The following MACROD2 variants were observed in gnomAD, a reference collection of about 807,000 sequenced individuals.
MACROD2 encodes mono-ADP ribosylhydrolase 2.
MACROD2 carries 36 observed loss-of-function variants against 70.4 expected under a neutral mutation model. The observed-to-expected ratio is 0.51, with a 90% CI of 0.39 to 0.68. The LOEUF (loss-of-function observed/expected upper bound fraction) is 0.68. Ranked by LOEUF, MACROD2 falls within the 30% of genes least tolerant of loss-of-function variation. The pLI, the probability that MACROD2 is intolerant of heterozygous loss-of-function variation, is 0.00. For synonymous variants in MACROD2, 172 were observed against 178.8 expected (o/e 0.96, Z 0.30); for missense variants, 496 against 538.4 (o/e 0.92, Z 0.78).
intron 2 of MACROD2, among the ~76,000 whole-genome samples, chr20:14,062,979 C>A (rs2148656685): frequency 6.6e-6 from 1 of 152,284 alleles, no homozygotes; most frequent in South Asian, 2.1e-4. Flanking sequence ...CTCAGCCCTA[C>A]TGGTGAAACT....
intron 3 of MACROD2, among the ~76,000 whole-genome samples, chr20:14,431,476 A>T (rs972956879): frequency 6.6e-6 from 1 of 152,200 alleles, no homozygotes; most frequent in African/African-American, 2.4e-5. Flanking sequence ...ATATTTCACA[A>T]AATTGTTTTA....
intron 5 of MACROD2, among the ~76,000 whole-genome samples, chr20:15,065,312 T>A (rs2075564693): frequency 6.6e-6 from 1 of 152,194 alleles, no homozygotes; most frequent in Non-Finnish European, 1.5e-5. Context: ...GTACCATTGC[T>A]TTTGTCTTCA....
At chr20:14,699,330 G>A (rs900338837) in intron 5 of MACROD2, among the ~76,000 whole-genome samples, 2 of 152,166 alleles carry the variant, frequency 1.3e-5, no homozygotes, top group African/African-American at 4.8e-5. Context: ...TTGCTTAAAT[G>A]TTGTAAATGT....
intron 3 of MACROD2, among the ~76,000 whole-genome samples, chr20:14,116,058 G>T (rs12625894): frequency 7.2e-5 from 11 of 151,894 alleles, no homozygotes; most frequent in African/African-American, 2.4e-4. Context: ...GGGGCTGATT[G>T]GTGAATCTTG....
intron 2 of MACROD2, among the ~76,000 whole-genome samples, chr20:14,057,500 C>A (rs553925382): frequency 6.6e-6 from 1 of 152,092 alleles, no homozygotes; most frequent in Non-Finnish European, 1.5e-5. Flanking sequence ...TAACACTCAG[C>A]AGAATGGCTA....
chr20:14,156,431 C>T (rs368130693), intron 3 of MACROD2, among the ~76,000 whole-genome samples: 1 of 152,162 alleles, frequency 6.6e-6, no homozygotes, highest in Admixed American at 6.5e-5. Context: ...TTCATTTCCT[C>T]CAGGCTAGTA....
chr20:15,087,765 G>A (rs2123153867), intron 5 of MACROD2, among the ~76,000 whole-genome samples: 1 of 152,058 alleles, frequency 6.6e-6, no homozygotes, highest in Admixed American at 6.6e-5. Context: ...ACAAATATGA[G>A]TGGGAAAAAT....
At chr20:14,183,426 A>G (rs887828849) in intron 3 of MACROD2, among the ~76,000 whole-genome samples, 2 of 152,018 alleles carry the variant, frequency 1.3e-5, no homozygotes, top group Admixed American at 6.6e-5. Flanking sequence ...TATCTAGTCT[A>G]TCACTGATGG....
intron 17 of MACROD2, 113 bp from the exon 18 acceptor site, chr20:16,049,717 G>A: frequency 1.0e-6 from 1 of 993,016 alleles, no homozygotes; most frequent in Non-Finnish European, 1.5e-6. Context: ...ATATTTCTGG[G>A]CCTATGTGAG....
chr20:15,512,380 T>A lies in MACROD2; in HGVS notation c.645+12533T>A, dbSNP rs140541550. On this transcript the variant is annotated intron_variant, in intron 8 of 17. Transcript: ENST00000684519. ...CCAATATCCTGTTGATAGTAATCATTGTCTCTGGATATTGCCTTTGATGCC... is the reference window on the plus strand; with the variant it reads ...CCAATATCCTGTTGATAGTAATCATAGTCTCTGGATATTGCCTTTGATGCC... Among the ~76,000 whole-genome samples the A allele has an allele frequency of 2.6e-5, 4 of 152,370 alleles. No homozygotes were observed. In the East Asian group the frequency reaches 7.7e-4, roughly 29 times the overall value.
intron 7 of MACROD2, among the ~76,000 whole-genome samples, chr20:15,443,912 C>T (rs753760972): frequency 9.2e-5 from 14 of 152,066 alleles, no homozygotes; most frequent in African/African-American, 1.7e-4. Flanking sequence ...GATTTTAAGA[C>T]GATAACAGGA....
chr20:15,198,377 G>A (rs6079702), intron 5 of MACROD2, among the ~76,000 whole-genome samples: 16,410 of 152,094 alleles, frequency 0.11, 1,106 homozygotes, highest in African/African-American at 0.19. Context: ...TTGCCAACGC[G>A]TCAGTTCTAA....
At chr20:14,702,588 T>TATAC (rs1555818339) in intron 5 of MACROD2, among the ~76,000 whole-genome samples, 8 of 5,214 alleles carry the variant, frequency 1.5e-3, no homozygotes, top group South Asian at 0.02. Context: ...TATATATATG[T>TATAC]ATATATATGT....
intron 3 of MACROD2, among the ~76,000 whole-genome samples, chr20:14,256,761 A>G (rs2082060098): frequency 6.6e-6 from 1 of 152,054 alleles, no homozygotes; most frequent in Admixed American, 6.6e-5. Flanking sequence ...CTTTTGGAAG[A>G]TCTGTTCAAT....
intron 7 of MACROD2, among the ~76,000 whole-genome samples, chr20:15,434,813 A>G (rs1322733512): frequency 6.6e-6 from 1 of 152,156 alleles, no homozygotes; most frequent in Non-Finnish European, 1.5e-5. Context: ...TGTGGTATGT[A>G]TATACCCCAT....
At chr20:14,626,103 C>T (rs951603485) in intron 4 of MACROD2, among the ~76,000 whole-genome samples, 3 of 152,122 alleles carry the variant, frequency 2.0e-5, no homozygotes, top group Non-Finnish European at 4.4e-5. Flanking sequence ...GGATTACAGG[C>T]GTGAGCCACT....
intron 8 of MACROD2, among the ~76,000 whole-genome samples, chr20:15,780,848 C>T (rs1180363479): frequency 6.6e-6 from 1 of 152,048 alleles, no homozygotes; most frequent in Non-Finnish European, 1.5e-5. Flanking sequence ...TGTGACATCT[C>T]ATGAATGCCC....
chr20:15,969,312 T>C (rs1256799759), intron 13 of MACROD2, among the ~76,000 whole-genome samples: 1 of 150,606 alleles, frequency 6.6e-6, no homozygotes, highest in Admixed American at 6.6e-5. Context: ...AGCACACACA[T>C]AAAAAATACC....
chr20:14,090,278 G>C (rs955419649), intron 3 of MACROD2, among the ~76,000 whole-genome samples: 6 of 152,116 alleles, frequency 3.9e-5, no homozygotes, highest in African/African-American at 1.4e-4. Flanking sequence ...TATCATAAAA[G>C]AACTCCCTCA....
Sources: gnomAD v4.1 joint callset for allele counts (sites outside exome capture counted in the v4.1 genomes callset) on GRCh38, gnomAD v4.1.1 for gene constraint, MANE v1.5 for transcripts, NCBI Gene and HGNC (gene_info 2026-07-23, HGNC 2026-07-21) for gene names.